Variants in IGF2R observed in about 807,000 individuals in gnomAD.
The protein encoded by IGF2R is cation-independent mannose-6-phosphate receptor.
Under a neutral mutation model 270.6 loss-of-function variants are expected in IGF2R, and 91 were observed. The ratio of observed to expected loss-of-function variants is 0.34; its 90% confidence interval spans 0.28 to 0.40. The LOEUF (loss-of-function observed/expected upper bound fraction) is 0.40. IGF2R is among the 10% of genes least tolerant of loss of function. The pLI is 1.00. For missense variants in IGF2R, 2,805 were observed against 3,188.3 expected (o/e 0.88, Z 2.90); for synonymous variants, 1,316 against 1,258.9 (o/e 1.05, Z -0.96).
chr6:160,059,140 T>G, intron 22 of IGF2R, 42 bp downstream of exon 22: 1,080 of 1,368,832 alleles, frequency 7.9e-4, no homozygotes, highest in Non-Finnish European at 1.0e-3. Context: ...AAAAGGGCCC[T>G]GGTGGCTCTG....
intron 1 of IGF2R, among the ~76,000 whole-genome samples, chr6:159,970,526 A>G (rs1018339547): frequency 5.9e-5 from 9 of 152,124 alleles, no homozygotes; most frequent in Non-Finnish European, 1.2e-4. Flanking sequence ...AAATTAGTCT[A>G]AGGAGGGTGA....
intron 1 of IGF2R, among the ~76,000 whole-genome samples, chr6:159,986,375 G>A (rs1783884180): frequency 6.6e-6 from 1 of 150,964 alleles, no homozygotes; most frequent in Non-Finnish European, 1.5e-5. Flanking sequence ...GGGACTATAA[G>A]CGTGCGCGAC....
At position 160,029,633 on chromosome 6, in the gene IGF2R, T is replaced by C; in HGVS notation, c.860T>C (p.Val287Ala). The C allele has an allele frequency of 6.2e-7, 1 of 1,613,674 alleles. No homozygotes were observed. Among genetic ancestry groups the C allele is most frequent in the Non-Finnish European group, 8.5e-7 (1 of 1,179,562 alleles). The change falls in exon 7 of 48, where the codon GTT (valine) becomes GCT (alanine). Residue 287 changes from valine (V) to alanine (A), a missense_variant. Around this residue, in one of 2 missense-constraint regions of IGF2R, gnomAD observed 954 missense variants for 981.1 expected, o/e 0.97. Coordinates refer to ENST00000356956, the MANE Select transcript of IGF2R (RefSeq NM_000876.4). Reference protein sequence around the residue: ...GHSPAVTITFVCPSERREGTI... With the variant: ...GHSPAVTITFACPSERREGTI... ...AGCCCTGCGGTGACTATTACATTTG[T>C]TTGCCCGTCGGAGCGGAGAGAGGTA...
chr6:160,017,924 C>G (rs528964198), intron 4 of IGF2R, among the ~76,000 whole-genome samples: 1 of 152,098 alleles, frequency 6.6e-6, no homozygotes, highest in African/African-American at 2.4e-5. Context: ...TATAAACACT[C>G]TTATAAAACA....
rs142077419 is a variant in IGF2R at position 160,032,960 on chromosome 6, A to G, written c.1064A>G (p.Asp355Gly). The G allele has an allele frequency of 3.1e-5, 49 of 1,598,436 alleles. No homozygotes were observed. Among genetic ancestry groups the G allele is most frequent in the Non-Finnish European group, 4.2e-5 (49 of 1,166,538 alleles). ...AQSGGSSYIS[D>G]GKEYLFYLNV... ...TTTTTAGGTTCATCCTATATTTCAGATGGAAAAGAATATTTGTTTTATTTG... is the reference window on the plus strand; with the variant it reads ...TTTTTAGGTTCATCCTATATTTCAGGTGGAAAAGAATATTTGTTTTATTTG... The change falls in exon 9 of 48, where the codon GAT (aspartate) becomes GGT (glycine). Residue 355 changes from aspartate (D) to glycine (G), a missense_variant. By Grantham distance (94) the Asp-to-Gly change is moderately conservative (BLOSUM62 -1). Around this residue, in one of 2 missense-constraint regions of IGF2R, gnomAD observed 954 missense variants for 981.1 expected, o/e 0.97. Coordinates refer to ENST00000356956, the MANE Select transcript of IGF2R (RefSeq NM_000876.4).
chr6:160,110,112 A>G lies in IGF2R; in HGVS notation c.*5028A>G, dbSNP rs915651376. On this transcript the variant is annotated 3_prime_UTR_variant, in exon 48 of 48. Transcript: ENST00000356956. ...AGTTGCTGACCACACGTGAAATCAC[A>G]ATAGAAAATGGCCAGCAGGCCTCCA... 1 of 152,356 alleles carries G rather than the reference A, an allele frequency of 6.6e-6. No individual in the cohort carries two copies. The highest frequency in any genetic ancestry group is 1.9e-4 in the East Asian group (1 of 5,188). 9.4% of individuals were successfully genotyped at this position (152,356 alleles called of 1,614,324 possible).
chr6:160,078,842 A>G (rs928341420), intron 37 of IGF2R, among the ~76,000 whole-genome samples: 1 of 152,140 alleles, frequency 6.6e-6, no homozygotes, highest in Non-Finnish European at 1.5e-5. Flanking sequence ...ATTGAGAGGC[A>G]CTTGGGCATG....
chr6:159,980,140 C>G (rs895510212), intron 1 of IGF2R, among the ~76,000 whole-genome samples: 1 of 150,210 alleles, frequency 6.7e-6, no homozygotes, highest in Non-Finnish European at 1.5e-5. Context: ...GAGATCGCAC[C>G]GCTGCACTCC....
At chr6:159,995,868 G>A (rs527602808) in intron 2 of IGF2R, among the ~76,000 whole-genome samples, 2 of 141,370 alleles carry the variant, frequency 1.4e-5, no homozygotes, top group South Asian at 4.5e-4. Flanking sequence ...GAGAGTTAGT[G>A]TGAGTCTTTG....
At chr6:160,091,433 G>A (rs1289952239) in intron 44 of IGF2R, among the ~76,000 whole-genome samples, 2 of 152,184 alleles carry the variant, frequency 1.3e-5, no homozygotes, top group Non-Finnish European at 2.9e-5. Context: ...TCTCCACGAC[G>A]GCAGCACCTG....
Position 160,102,450 on chromosome 6 carries a change from G to A in IGF2R, c.6843-69G>A, listed in dbSNP as rs1338426975. 1.3e-6 allele frequency: 2 copies of A among 1,548,976 alleles called. No homozygotes were observed. The highest frequency in any genetic ancestry group is 4.5e-5 in the East Asian group (2 of 44,108). On this transcript the variant is annotated intron_variant, in intron 45 of 47. Coordinates refer to ENST00000356956, the MANE Select transcript of IGF2R (RefSeq NM_000876.4). This position sits in a 1 kb window ranked among gnomAD's most constrained non-coding sequence, Gnocchi z 4.5. The stretch of plus-strand genomic sequence containing the variant: ...AGCTGCTCTTGCCTTGGGGACTCAG[G>A]TCTCAGGTTGTGGCTGTGGCAGCAG...
chr6:160,031,838 G>T (rs1442447088), intron 7 of IGF2R, among the ~76,000 whole-genome samples: 1 of 152,232 alleles, frequency 6.6e-6, no homozygotes, highest in East Asian at 1.9e-4. Flanking sequence ...GCTAAGCCCA[G>T]TAAGTCGTGT....
rs574374414 is a variant in IGF2R, at chr6:160,105,186, C to T, written c.*102C>T. The stretch of plus-strand genomic sequence containing the variant: ...GATGCTTCTATAATTTTGCCTTTAA[C>T]AGAAACTTTCAAAAGGGAAGAGTTT... On this transcript the variant is annotated 3_prime_UTR_variant, in exon 48 of 48. Coordinates refer to ENST00000356956, the MANE Select transcript of IGF2R (RefSeq NM_000876.4). 9.4e-6 allele frequency: 10 copies of T among 1,064,980 alleles called. No homozygotes were observed. The highest frequency in any genetic ancestry group is 2.4e-4 in the Middle Eastern group (1 of 4,228). 66.0% of individuals were successfully genotyped at this position (1,064,980 alleles called of 1,614,324 possible).
At chr6:160,014,851 A>G (rs569320996) in intron 4 of IGF2R, among the ~76,000 whole-genome samples, 10 of 152,340 alleles carry the variant, frequency 6.6e-5, no homozygotes, top group South Asian at 2.1e-4. Flanking sequence ...GCCTTTCTGC[A>G]TGAATCTGGT....
intron 2 of IGF2R, chr6:160,006,816 C>T (rs1652650551): frequency 1.3e-5 from 2 of 151,912 alleles, no homozygotes; most frequent in African/African-American, 4.8e-5. Flanking sequence ...GCACTGTTTC[C>T]AACAAAAATC....
At chr6:160,040,246 T>A (rs894714482) in intron 10 of IGF2R, among the ~76,000 whole-genome samples, 5 of 152,144 alleles carry the variant, frequency 3.3e-5, no homozygotes, top group Admixed American at 6.5e-5. Context: ...GAGCAGAGGA[T>A]CCCACTCACT....
intron 26 of IGF2R, among the ~76,000 whole-genome samples, chr6:160,063,192 C>A (rs1331697289): frequency 6.6e-6 from 1 of 151,914 alleles, no homozygotes; most frequent in Non-Finnish European, 1.5e-5. Flanking sequence ...GTGCCTGCCA[C>A]CATGCCCAGC....
chr6:160,094,863 A>T (rs1382718902), intron 44 of IGF2R: 1 of 129,812 alleles, frequency 7.7e-6, no homozygotes, highest in African/African-American at 3.0e-5. Flanking sequence ...GTGCCACTAC[A>T]CTCCAGCCTG....
Position 160,084,985 on chromosome 6 carries a change from C to T in IGF2R, c.6069-10C>T, listed in dbSNP as rs564461756. ...ATGCCTTTTACCTGCCCCTTTGTGT[C>T]GTTTTCTAGGTACTATATAAATCTG... is the stretch of plus-strand genomic sequence containing the variant. On this transcript the variant is annotated splice_polypyrimidine_tract_variant and intron_variant, in intron 40 of 47. Transcript: ENST00000356956. This position sits in a 1 kb window ranked among gnomAD's most constrained non-coding sequence, Gnocchi z 4.6. 2.4e-5 allele frequency: 38 copies of T among 1,607,934 alleles called. No individual in the cohort carries two copies. The highest frequency in any genetic ancestry group is 1.9e-4 in the South Asian group (17 of 90,892).
Sources: allele counts gnomAD v4.1 joint callset (sites outside exome capture counted in the v4.1 genomes callset), GRCh38; gene constraint gnomAD v4.1.1; regional missense constraint gnomAD v4.1.1; non-coding constraint Gnocchi (gnomAD v3.1); transcripts MANE v1.5; gene names NCBI Gene and HGNC (gene_info 2026-07-23, HGNC 2026-07-21).